The following KATNAL2 variants were observed in gnomAD, a reference collection of about 807,000 sequenced individuals.
KATNAL2 encodes katanin catalytic subunit A1 like 2.
KATNAL2 carries 52 observed loss-of-function variants against 76.3 expected under a neutral mutation model. That is an observed-to-expected ratio of 0.68 (90% CI 0.55 to 0.86). The LOEUF (loss-of-function observed/expected upper bound fraction) is 0.86. Ranked by LOEUF, KATNAL2 falls within the 40% of genes least tolerant of loss-of-function variation. KATNAL2 has a pLI of 0.00. For missense variants in KATNAL2, 660 were observed against 668.9 expected (o/e 0.99, Z 0.15); for synonymous variants, 243 against 244.2 (o/e 1.00, Z 0.05).
intron 3 of KATNAL2, among the ~76,000 whole-genome samples, chr18:46,965,481 C>G (rs2060089706): frequency 2.5e-5 from 3 of 119,232 alleles, no homozygotes; most frequent in Admixed American, 2.3e-4. Flanking sequence ...TTCTTCGCTC[C>G]AGCTTTGGCT....
At chr18:47,064,509 G>GTA (rs1160053707) in intron 10 of KATNAL2, among the ~76,000 whole-genome samples, 2 of 152,136 alleles carry the variant, frequency 1.3e-5, no homozygotes, top group African/African-American at 4.8e-5. Flanking sequence ...GCGCCCGTCG[G>GTA]AGGATGGGAT....
intron 3 of KATNAL2, 30 bp from the exon 4 acceptor site, chr18:47,046,427 T>G: frequency 6.7e-7 from 1 of 1,485,132 alleles, no homozygotes; most frequent in Admixed American, 2.0e-5. Context: ...TTTTTTGTTG[T>G]CATCCTACCT....
At chr18:46,937,559 A>G (rs544765760) in intron 1 of KATNAL2, among the ~76,000 whole-genome samples, 2 of 152,290 alleles carry the variant, frequency 1.3e-5, no homozygotes, top group East Asian at 3.9e-4. Context: ...CTTTTTCACC[A>G]AGCTGCATAT....
In KATNAL2 at chr18:47,036,141, A is replaced by G. The variant is rs946112065; in HGVS notation, c.52-10316A>G. 2.4e-4 allele frequency among the ~76,000 whole-genome samples: 36 copies of G among 152,202 alleles called. 1 individual carries two copies. The highest frequency in any genetic ancestry group is 7.3e-5 in the Non-Finnish European group (5 of 68,032). On this transcript the variant is annotated intron_variant, in intron 3 of 17. Coordinates refer to ENST00000683218, the MANE Select transcript of KATNAL2 (RefSeq NM_001387690.1). ...CTGAAGAAAACTGGGTGCCGTTTGC[A>G]GAATTTTTAATACGAGGAAATAAAT...
chr18:47,045,897 A>G (rs1214408532), intron 3 of KATNAL2, among the ~76,000 whole-genome samples: 2 of 152,198 alleles, frequency 1.3e-5, no homozygotes, highest in African/African-American at 4.8e-5. Context: ...TTGAGCAAAG[A>G]CCTTATCATA....
intron 3 of KATNAL2, chr18:47,033,974 G>A (rs1259539009): frequency 1.9e-6 from 3 of 1,613,318 alleles, no homozygotes; most frequent in Non-Finnish European, 2.5e-6. Context: ...TGGACAGGAG[G>A]CAATTTCTTA....
At chr18:46,924,986 A>T (rs933568796) in intron 1 of KATNAL2, among the ~76,000 whole-genome samples, 11 of 152,182 alleles carry the variant, frequency 7.2e-5, no homozygotes, top group African/African-American at 2.7e-4. Context: ...TTTTGGGCTG[A>T]GATGATGGGG....
intron 1 of KATNAL2, among the ~76,000 whole-genome samples, chr18:46,919,003 ATATATGTGTGTGTGTG>A (rs2058334317): frequency 6.8e-6 from 1 of 146,062 alleles, no homozygotes; most frequent in African/African-American, 2.7e-5. Context: ...GTGTATATAT[ATATATGTGTGTGTGTG>A]TGTGTGTGTG....
chr18:47,100,729 A>G, intron 17 of KATNAL2, 137 bp from the exon 18 acceptor site: 1 of 1,090,950 alleles, frequency 9.2e-7, no homozygotes, highest in Non-Finnish European at 1.3e-6. Flanking sequence ...AGCCCTCTTT[A>G]GTCTTGCCTT....
chr18:47,076,776 TTATAATA>T, intron 14 of KATNAL2, among the ~76,000 whole-genome samples: 1 of 146,438 alleles, frequency 6.8e-6, no homozygotes, highest in Non-Finnish European at 1.5e-5. Flanking sequence ...TATATTATGC[TTATAATA>T]TATAATAAAT....
intron 15 of KATNAL2, among the ~76,000 whole-genome samples, chr18:47,079,415 G>GA (rs778101079): frequency 1.4e-5 from 2 of 148,054 alleles, no homozygotes; most frequent in African/African-American, 2.5e-5. Flanking sequence ...TTTTTTTTGA[G>GA]ATGGATCCTT....
chr18:46,946,798 G>C, intron 2 of KATNAL2, 56 bp from the exon 3 acceptor site: 1 of 1,443,846 alleles, frequency 6.9e-7, no homozygotes, highest in South Asian at 1.2e-5. Context: ...TTAAGCGTCA[G>C]GTTCCTTGGA....
At chr18:46,941,933 C>T (rs1033385448) in intron 1 of KATNAL2, among the ~76,000 whole-genome samples, 6 of 152,084 alleles carry the variant, frequency 3.9e-5, no homozygotes, top group Non-Finnish European at 5.9e-5. Context: ...GGAAGGGGTG[C>T]GCCTGTTGCT....
chr18:47,034,488 T>C lies in KATNAL2; in HGVS notation c.52-11969T>C, dbSNP rs761587960. On this transcript the variant is annotated intron_variant, in intron 3 of 17. Transcript: ENST00000683218. ...AGGAGGGCATCCTTGGGGTTTCCTC[T>C]CTTAAGCAGGCCCCGCATGATTTCT... The C allele has an allele frequency of 1.9e-6, 3 of 1,614,038 alleles. No individual in the cohort carries two copies. In the East Asian group the frequency reaches 6.7e-5, roughly 36 times the overall value.
At chr18:46,930,312 C>T (rs1356826087) in intron 1 of KATNAL2, among the ~76,000 whole-genome samples, 3 of 152,154 alleles carry the variant, frequency 2.0e-5, no homozygotes, top group Admixed American at 6.5e-5. Context: ...CCTCTTTTTA[C>T]ATATCACTAA....
chr18:47,032,709 T>C (rs2060531295), intron 3 of KATNAL2: 1 of 485,368 alleles, frequency 2.1e-6, no homozygotes. Context: ...TTTTTCCTTA[T>C]TTATGATTAC....
At chr18:46,929,283 C>T (rs2058832407) in intron 1 of KATNAL2, among the ~76,000 whole-genome samples, 1 of 151,842 alleles carries the variant, frequency 6.6e-6, no homozygotes, top group Admixed American at 6.6e-5. Context: ...CACTCTGTTG[C>T]CCAGGCTGGA....
chr18:46,955,585 G>T (rs1409267613), intron 3 of KATNAL2, among the ~76,000 whole-genome samples: 1 of 151,624 alleles, frequency 6.6e-6, no homozygotes, highest in Non-Finnish European at 1.5e-5. Flanking sequence ...TTGGAAACAG[G>T]GTCTCACCGT....
chr18:46,949,910 T>A (rs1309941974), intron 3 of KATNAL2, among the ~76,000 whole-genome samples: 1 of 152,234 alleles, frequency 6.6e-6, no homozygotes, highest in African/African-American at 2.4e-5. Flanking sequence ...GGTGATTTTC[T>A]TAAAATAGTG....
Sources: allele counts gnomAD v4.1 joint callset (sites outside exome capture counted in the v4.1 genomes callset), GRCh38; gene constraint gnomAD v4.1.1; transcripts MANE v1.5; gene names NCBI Gene and HGNC (gene_info 2026-07-23, HGNC 2026-07-21).